TENM1: variants seen among roughly 807,000 people sequenced by gnomAD.
TENM1 encodes the protein teneurin transmembrane protein 1.
Under a neutral mutation model 174.8 loss-of-function variants are expected in TENM1, and 35 were observed. The ratio of observed to expected loss-of-function variants is 0.20; its 90% CI spans 0.15 to 0.27. The LOEUF is 0.27. Ranked by LOEUF, TENM1 falls within the 10% of genes least tolerant of loss-of-function variation. The pLI, the probability that TENM1 is intolerant of heterozygous loss-of-function variation, is 1.00. For synonymous variants in TENM1, 781 were observed against 798.7 expected (o/e 0.98, Z 0.37); for missense variants, 1,633 against 2,130.1 (o/e 0.77, Z 4.59).
intron 3 of TENM1, among the ~76,000 whole-genome samples, chrX:124,882,986 C>G (rs563501766): frequency 9.0e-6 from 1 of 111,605 alleles, no homozygotes; most frequent in Admixed American, 9.5e-5. Context: ...AGCTGTATTC[C>G]TGGGTTTTTA....
chrX:124,721,508 G>A (rs1230244698), intron 4 of TENM1, among the ~76,000 whole-genome samples: 1 of 111,753 alleles, frequency 8.9e-6, no homozygotes, highest in Non-Finnish European at 1.9e-5. Context: ...AGTTTCCTGG[G>A]CATTTAAGAT....
At chrX:124,395,691 A>G (rs2060325384) in intron 27 of TENM1, among the ~76,000 whole-genome samples, 1 of 111,941 alleles carries the variant, frequency 8.9e-6, no homozygotes, top group African/African-American at 3.2e-5. Flanking sequence ...AGAAAAGCGC[A>G]TATTTCCTGT....
chrX:124,745,077 G>C (rs2053885406), intron 3 of TENM1, among the ~76,000 whole-genome samples: 1 of 111,810 alleles, frequency 8.9e-6, no homozygotes, highest in Non-Finnish European at 1.9e-5. Context: ...AAAAAGCATA[G>C]AGGCTAGGGA....
chrX:125,094,685 A>G, the TENM1 span, among the ~76,000 whole-genome samples: 2 of 112,029 alleles, frequency 1.8e-5, no homozygotes, highest in Admixed American at 9.5e-5. Context: ...TTTGGGTTCT[A>G]TTGATGTGGT....
At chrX:124,835,400 G>A (rs1009352981) in intron 3 of TENM1, among the ~76,000 whole-genome samples, 1 of 112,167 alleles carries the variant, frequency 8.9e-6, no homozygotes, top group Non-Finnish European at 1.9e-5. Context: ...CCTCTCATCT[G>A]TGAAATGCTG....
chrX:124,411,437 T>C (rs1394883964), intron 25 of TENM1, among the ~76,000 whole-genome samples: 1 of 111,230 alleles, frequency 9.0e-6, no homozygotes, highest in African/African-American at 3.3e-5. Context: ...GTCCAGTTGT[T>C]GGGTAGCTGG....
chrX:124,523,405 C>T, exon 17 of TENM1: 3 of 1,211,862 alleles, frequency 2.5e-6, no homozygotes, highest in Non-Finnish European at 3.4e-6. Context: ...GGACAGGACC[C>T]TCCAAATGAT....
At chrX:124,898,722 G>C (rs567500648) in intron 1 of TENM1, among the ~76,000 whole-genome samples, 1 of 111,770 alleles carries the variant, frequency 8.9e-6, no homozygotes, top group Admixed American at 9.6e-5. Flanking sequence ...TTTTATTAAA[G>C]AGATATTTTT....
exon 14 of TENM1, chrX:124,561,782 A>G (rs1396691830): frequency 8.3e-7 from 1 of 1,211,263 alleles, no homozygotes; most frequent in Non-Finnish European, 1.1e-6. Flanking sequence ...TCCAGGGTAC[A>G]TCGTCCATTT....
the TENM1 span, among the ~76,000 whole-genome samples, chrX:125,189,065 C>G: frequency 8.9e-6 from 1 of 112,172 alleles, no homozygotes; most frequent in Non-Finnish European, 1.9e-5. Flanking sequence ...ATAAACTGCC[C>G]TATATGTAGC....
intron 29 of TENM1, among the ~76,000 whole-genome samples, chrX:124,385,154 A>C (rs1417189880): frequency 1.8e-5 from 2 of 112,627 alleles, no homozygotes; most frequent in African/African-American, 6.5e-5. Context: ...TTCTTGCTAT[A>C]ATCACTGACA....
chrX:125,192,009 A>C, the TENM1 span, among the ~76,000 whole-genome samples: 1 of 110,501 alleles, frequency 9.0e-6, no homozygotes, highest in Non-Finnish European at 1.9e-5. Context: ...TCTGGAGGAC[A>C]CAGCAAGAAG....
intron 16 of TENM1, among the ~76,000 whole-genome samples, chrX:124,524,582 GT>G (rs768248194): frequency 8.1e-5 from 9 of 111,344 alleles, no homozygotes; most frequent in African/African-American, 2.9e-4. Context: ...AAGATCTCTG[GT>G]TTGCTTCACA....
chrX:124,385,642 G>A, intron 29 of TENM1, 35 bp downstream of exon 32: 1 of 1,151,494 alleles, frequency 8.7e-7, no homozygotes, highest in Non-Finnish European at 1.2e-6. Flanking sequence ...AAATAGTGAT[G>A]TTGTTGTACA....
intron 11 of TENM1, among the ~76,000 whole-genome samples, chrX:124,602,501 A>G (rs1463160829): frequency 4.5e-5 from 5 of 111,097 alleles, no homozygotes; most frequent in African/African-American, 6.5e-5. Context: ...GGTAAGTTGA[A>G]GGGAGAAAAA....
In TENM1 at chrX:124,596,693, A is replaced by G. The variant is rs190419119; in HGVS notation, c.2078-31133T>C. 5.7e-3 allele frequency among the ~76,000 whole-genome samples: 636 copies of G among 111,805 alleles called. 2 individuals are homozygous for G. The highest frequency in any genetic ancestry group is 0.026 in the South Asian group (69 of 2,666). ...TAAGGAGAGTAAGAGAGAGAGGCAGAATGAATGGTATGAGATGGGGCTGGA... is the reference window on the plus strand; with the variant it reads ...TAAGGAGAGTAAGAGAGAGAGGCAGGATGAATGGTATGAGATGGGGCTGGA... On this transcript the variant is annotated intron_variant, in intron 11 of 31. Coordinates refer to ENST00000422452, the Ensembl canonical transcript of TENM1.
chrX:124,894,153 C>T (rs2057521011), intron 3 of TENM1, 143 bp downstream of exon 6: 1 of 450,302 alleles, frequency 2.2e-6, no homozygotes. Context: ...AACAAATAAG[C>T]TGCCACTGTA....
chrX:124,970,975 T>C, the TENM1 span, among the ~76,000 whole-genome samples: 1 of 109,581 alleles, frequency 9.1e-6, no homozygotes, highest in Non-Finnish European at 1.9e-5. Context: ...GATGAGTTCA[T>C]GTCCTTTGTA....
At chrX:124,644,313 G>T (rs2051102816) in intron 10 of TENM1, among the ~76,000 whole-genome samples, 1 of 106,577 alleles carries the variant, frequency 9.4e-6, no homozygotes, top group African/African-American at 3.4e-5. Context: ...AGTGGAATGA[G>T]ATTAAACCCG....
Sources: allele counts gnomAD v4.1 joint callset (sites outside exome capture counted in the v4.1 genomes callset), GRCh38; gene constraint gnomAD v4.1.1; transcripts MANE v1.5; gene names NCBI Gene and HGNC (gene_info 2026-07-23, HGNC 2026-07-21).